Variants in SAMD12 observed in about 807,000 individuals in gnomAD.
SAMD12 encodes sterile alpha motif domain-containing protein 12.
A neutral mutation model predicts 15.0 loss-of-function variants in SAMD12; 9 were observed. The ratio of observed to expected loss-of-function variants is 0.60; its 90% CI spans 0.36 to 1.05. The LOEUF is 1.05. Among genes scored for constraint, SAMD12 ranks in the 50% least tolerant of loss-of-function variants. The pLI is 0.01. For synonymous variants in SAMD12, 86 were observed against 90.1 expected, an observed-to-expected ratio of 0.96 and a Z score of 0.25; for missense variants, 230 against 234.2, an observed-to-expected ratio of 0.98 and a Z score of 0.12.
In SAMD12 at chr8:118,320,247, A is replaced by G. The variant is rs76569276; in HGVS notation, c.433+59313T>C. 2.3e-3 allele frequency among the ~76,000 whole-genome samples: 344 copies of G among 152,340 alleles called. 14 individuals carry two copies. In the East Asian group the frequency reaches 0.054, roughly 24 times the overall value. ...GAAAAAAAGTTGAGAGTGAAAGTCC[A>G]AAAACATCAGACTGTGGAACAAATG... On this transcript the variant is annotated intron_variant, in intron 4 of 4. Transcript: ENST00000409003.
intron 2 of SAMD12, among the ~76,000 whole-genome samples, chr8:118,570,378 A>G (rs1468004190): frequency 6.6e-6 from 1 of 152,116 alleles, no homozygotes; most frequent in African/African-American, 2.4e-5. Context: ...ATACTCTCAC[A>G]GGGTCCCGTA....
At chr8:118,334,559 T>C (rs190810847) in intron 4 of SAMD12, among the ~76,000 whole-genome samples, 1 of 152,290 alleles carries the variant, frequency 6.6e-6, no homozygotes, top group East Asian at 1.9e-4. Context: ...CAAATTGGAA[T>C]CACATCTCCC....
chr8:118,190,363 C>T (rs1586325053), exon 5 of SAMD12: 1 of 152,146 alleles, frequency 6.6e-6, no homozygotes, highest in Non-Finnish European at 1.5e-5. Flanking sequence ...GGCACCTCCA[C>T]ACTCTGACGG....
At chr8:118,337,315 C>T (rs1433490274) in intron 4 of SAMD12, among the ~76,000 whole-genome samples, 1 of 152,118 alleles carries the variant, frequency 6.6e-6, no homozygotes, top group Non-Finnish European at 1.5e-5. Context: ...AGCTTTTGCA[C>T]ATCACTGTCC....
intron 2 of SAMD12, among the ~76,000 whole-genome samples, chr8:118,492,422 G>T (rs147530357): frequency 0.014 from 2,062 of 152,212 alleles, 22 homozygotes; most frequent in Middle Eastern, 0.027. Flanking sequence ...CAAATAAAGT[G>T]TTTAACATAA....
At chr8:118,584,473 C>CGA (rs1368041662) in intron 1 of SAMD12, among the ~76,000 whole-genome samples, 1 of 152,106 alleles carries the variant, frequency 6.6e-6, no homozygotes, top group African/African-American at 2.4e-5. Context: ...TGGTCGGCTT[C>CGA]GAGACCCTCT....
chr8:118,163,486 A>G, the SAMD12 span, among the ~76,000 whole-genome samples: 1 of 152,174 alleles, frequency 6.6e-6, no homozygotes, highest in African/African-American at 2.4e-5. Flanking sequence ...GTACAGTGGT[A>G]CTCATACTGG....
At chr8:118,354,535 A>G (rs1275573762) in intron 4 of SAMD12, among the ~76,000 whole-genome samples, 1 of 152,196 alleles carries the variant, frequency 6.6e-6, no homozygotes, top group African/African-American at 2.4e-5. Context: ...CCCTCCTCAG[A>G]ATTACTGATG....
chr8:118,527,274 T>C (rs1334792807), intron 2 of SAMD12, among the ~76,000 whole-genome samples: 1 of 152,208 alleles, frequency 6.6e-6, no homozygotes, highest in East Asian at 1.9e-4. Flanking sequence ...CCTCATCATG[T>C]TTCTCTTGGG....
intron 2 of SAMD12, among the ~76,000 whole-genome samples, chr8:118,573,035 G>A (rs1827060740): frequency 6.6e-6 from 1 of 152,164 alleles, no homozygotes; most frequent in Admixed American, 6.5e-5. Flanking sequence ...CCTGTGAAGA[G>A]GTACCTTCAC....
At chr8:118,334,159 T>C (rs1293042288) in intron 4 of SAMD12, among the ~76,000 whole-genome samples, 1 of 152,190 alleles carries the variant, frequency 6.6e-6, no homozygotes. Context: ...GTATTCTAAT[T>C]TATCTGTTTA....
At chr8:118,587,371 A>C (rs1219221883) in intron 1 of SAMD12, among the ~76,000 whole-genome samples, 2 of 152,256 alleles carry the variant, frequency 1.3e-5, no homozygotes, top group East Asian at 3.8e-4. Flanking sequence ...TAATGTGAAC[A>C]TCACAAAAAG....
At chr8:118,546,262 C>T (rs1159933262) in intron 2 of SAMD12, among the ~76,000 whole-genome samples, 1 of 152,180 alleles carries the variant, frequency 6.6e-6, no homozygotes, top group African/African-American at 2.4e-5. Flanking sequence ...TGTTGAGTAG[C>T]ACTTAGCATT....
chr8:118,515,884 C>T (rs978288995), intron 2 of SAMD12, among the ~76,000 whole-genome samples: 1 of 152,246 alleles, frequency 6.6e-6, no homozygotes, highest in Non-Finnish European at 1.5e-5. Context: ...CAGTCCCCAG[C>T]CCTCTCTGCA....
intron 4 of SAMD12, among the ~76,000 whole-genome samples, chr8:118,234,727 AAAG>A: frequency 6.6e-6 from 1 of 151,684 alleles, no homozygotes; most frequent in African/African-American, 2.4e-5. Flanking sequence ...AAAAAAAAAA[AAAG>A]AAATACTTAT....
intron 4 of SAMD12, among the ~76,000 whole-genome samples, chr8:118,286,927 C>G (rs1369692102): frequency 6.6e-6 from 1 of 152,204 alleles, no homozygotes; most frequent in Non-Finnish European, 1.5e-5. Flanking sequence ...GTAGCCTGCT[C>G]TCATGTGCCT....
intron 2 of SAMD12, among the ~76,000 whole-genome samples, chr8:118,440,978 G>A (rs1022373978): frequency 2.0e-5 from 3 of 152,058 alleles, no homozygotes; most frequent in African/African-American, 4.8e-5. Flanking sequence ...GTACAAGGAC[G>A]TGGCCATTAT....
chr8:118,203,719 T>C (rs965894102), intron 4 of SAMD12, among the ~76,000 whole-genome samples: 1 of 150,844 alleles, frequency 6.6e-6, no homozygotes, highest in African/African-American at 2.4e-5. Context: ...CTCCTAATGC[T>C]ATCCCTCTCC....
At chr8:118,582,224 T>G (rs1380438254) in intron 1 of SAMD12, among the ~76,000 whole-genome samples, 1 of 152,132 alleles carries the variant, frequency 6.6e-6, no homozygotes, top group Non-Finnish European at 1.5e-5. Flanking sequence ...CTCCCAAATA[T>G]TAACTGCAGC....
Sources: gnomAD v4.1 joint callset for allele counts (sites outside exome capture counted in the v4.1 genomes callset) on GRCh38, gnomAD v4.1.1 for gene constraint, MANE v1.5 for transcripts, NCBI Gene and HGNC (gene_info 2026-07-23, HGNC 2026-07-21) for gene names.